CC2D2A: variants seen among roughly 807,000 people sequenced by gnomAD.
The protein encoded by CC2D2A is coiled-coil and C2 domain-containing protein 2A.
In CC2D2A, 155 loss-of-function variants were observed where a neutral mutation model predicts 212.9. That is an observed-to-expected ratio of 0.73 (90% CI 0.64 to 0.83). The LOEUF is 0.83. Ranked by LOEUF, CC2D2A falls within the 40% of genes least tolerant of loss-of-function variation. The pLI is 0.00. For missense variants in CC2D2A, 1,856 were observed against 1,956.2 expected (o/e 0.95, Z 0.97); for synonymous variants, 667 against 686.5 (o/e 0.97, Z 0.44).
intron 18 of CC2D2A, among the ~76,000 whole-genome samples, chr4:15,552,856 T>C (rs1185895947): frequency 6.6e-6 from 1 of 152,238 alleles, no homozygotes; most frequent in East Asian, 1.9e-4. Flanking sequence ...CCCTGATTTA[T>C]ACATTAAAAA....
intron 26 of CC2D2A, among the ~76,000 whole-genome samples, chr4:15,568,079 C>T (rs771075214): frequency 9.9e-5 from 15 of 152,226 alleles, no homozygotes; most frequent in Non-Finnish European, 1.9e-4. Context: ...CCCTTGACCC[C>T]AATGACCTAC....
intron 4 of CC2D2A, among the ~76,000 whole-genome samples, chr4:15,487,597 C>T (rs1261216562): frequency 6.6e-6 from 1 of 151,786 alleles, no homozygotes; most frequent in Non-Finnish European, 1.5e-5. Flanking sequence ...TCTTTTTCAT[C>T]CGTTCAGCCA....
At chr4:15,595,233 T>C (rs1009933980) in intron 33 of CC2D2A, among the ~76,000 whole-genome samples, 1 of 152,186 alleles carries the variant, frequency 6.6e-6, no homozygotes, top group Non-Finnish European at 1.5e-5. Context: ...TGATTAAATA[T>C]ACTGAATGGA....
At chr4:15,591,256 G>A (rs751150509) in intron 33 of CC2D2A, among the ~76,000 whole-genome samples, 3 of 105,738 alleles carry the variant, frequency 2.8e-5, no homozygotes, top group Non-Finnish European at 5.5e-5. Context: ...TTTCACTCTT[G>A]TTGCCCAGGC....
intron 33 of CC2D2A, among the ~76,000 whole-genome samples, chr4:15,590,814 G>A (rs1436673044): frequency 6.6e-6 from 1 of 152,128 alleles, no homozygotes; most frequent in Non-Finnish European, 1.5e-5. Flanking sequence ...TCAGCTCACT[G>A]CAATCTCCAC....
intron 3 of CC2D2A, 120 bp from the exon 4 acceptor site, chr4:15,480,584 G>C: frequency 9.0e-7 from 1 of 1,111,826 alleles, no homozygotes. Context: ...AGAGACTGTG[G>C]TTATCCAGAT....
chr4:15,538,118 C>G lies in CC2D2A; in HGVS notation c.1984C>G (p.Pro662Ala). ...GCTAAGCCTGGCAGGAAGCGTAACA[C>G]CCAATGACCAGTGCCCCAGGTGAGT... Reference protein sequence around the residue: ...PELSLAGSVTPNDQCPRAEVS... With the variant: ...PELSLAGSVTANDQCPRAEVS... The change falls in exon 16 of 37, where the codon CCC becomes GCC. Residue 662 changes from proline (P) to alanine (A), a missense_variant. This residue lies in a region of CC2D2A where 1,512 missense variants were observed against 1,579.3 expected (regional missense o/e 0.96). Coordinates refer to ENST00000424120, the MANE Select transcript of CC2D2A (RefSeq NM_001378615.1). 6.3e-7 allele frequency: 1 copy of G among 1,588,202 alleles called. No homozygotes were observed. The highest frequency in any genetic ancestry group is 1.1e-5 in the South Asian group (1 of 87,382).
At position 15,478,711 on chromosome 4, in the gene CC2D2A, AT is replaced by A; in HGVS notation, c.40-8del. On this transcript the variant is annotated splice_polypyrimidine_tract_variant and intron_variant, in intron 2 of 36. Transcript: ENST00000424120. Reference sequence around the variant, plus strand: ...TGTCTTAAGATTCTCTCCCTTTTGCATTTTCACAAAGGAGTTCATTGAAAAT... The same window carrying A: ...TGTCTTAAGATTCTCTCCCTTTTGCATTTCACAAAGGAGTTCATTGAAAAT... 1 of 1,548,012 alleles carries A rather than the reference AT, an allele frequency of 6.5e-7. No individual in the cohort carries two copies. Among genetic ancestry groups the A allele is most frequent in the Non-Finnish European group, 8.7e-7 (1 of 1,144,494 alleles).
Position 15,569,341 on chromosome 4 carries a change from T to G in CC2D2A, c.3447T>G (p.Asp1149Glu). ...YSTASLQSVK[D>E]VVFINIFDEV... is the part of the protein sequence containing the mutation. ...CAGCCAGTCTGCAGTCAGTGAAAGATGTTGTGTTCATTAACATTTTTGATG... is the reference window on the plus strand; with the variant it reads ...CAGCCAGTCTGCAGTCAGTGAAAGAGGTTGTGTTCATTAACATTTTTGATG... Residue 1149 changes from aspartate to glutamate, a missense_variant, in exon 27 of 37, where the codon GAT (aspartate) becomes GAG (glutamate). Transcript: ENST00000424120. 1 of 1,583,628 alleles carries G rather than the reference T, an allele frequency of 6.3e-7. No individual in the cohort carries two copies. Among genetic ancestry groups the G allele is most frequent in the Non-Finnish European group, 8.6e-7 (1 of 1,163,228 alleles).
At chr4:15,487,429 A>T (rs1299399715) in intron 4 of CC2D2A, among the ~76,000 whole-genome samples, 23 of 151,990 alleles carry the variant, frequency 1.5e-4, no homozygotes, top group Non-Finnish European at 3.4e-4. Context: ...TTTTGTCTTG[A>T]AATCTATTTT....
Position 15,570,389 on chromosome 4 carries a change from T to G in CC2D2A, c.3496-9T>G. ...CTTAAGCAATTATTACTTCCCACCC[T>G]TCCTTTAGGATGACCGTGAAAGAGG... is the stretch of plus-strand genomic sequence containing the variant. On this transcript the variant is annotated splice_polypyrimidine_tract_variant and intron_variant, in intron 27 of 36. Coordinates refer to ENST00000424120, the MANE Select transcript of CC2D2A (RefSeq NM_001378615.1). The G allele has an allele frequency of 6.4e-7, 1 of 1,557,534 alleles. No individual in the cohort carries two copies. The highest frequency in any genetic ancestry group is 8.8e-7 in the Non-Finnish European group (1 of 1,137,216).
At chr4:15,470,446 A>T (rs1291653426) in intron 1 of CC2D2A, among the ~76,000 whole-genome samples, 1 of 152,106 alleles carries the variant, frequency 6.6e-6, no homozygotes, top group Non-Finnish European at 1.5e-5. Flanking sequence ...GAGACAGAGA[A>T]AGGGCTACTA....
At position 15,513,602 on chromosome 4, in the gene CC2D2A, G is replaced by A. The variant is rs62289346; in HGVS notation, c.718-1105G>A. On this transcript the variant is annotated intron_variant, in intron 8 of 36. Coordinates refer to ENST00000424120, the MANE Select transcript of CC2D2A (RefSeq NM_001378615.1). ...GCCCAGACACTTTTAAAGTATTTTC[G>A]TCTTCAAGGTTCATTTAGCCTTTTT... Among the ~76,000 whole-genome samples, 1,048 of 152,220 alleles carry A rather than the reference G, an allele frequency of 6.9e-3. 3 individuals are homozygous for A. The highest frequency in any genetic ancestry group is 0.012 in the Non-Finnish European group (786 of 68,024).
rs940142432 is a variant in CC2D2A at position 15,560,518 on chromosome 4, T to C, written c.2923-13T>C. The C allele has an allele frequency of 1.9e-5, 26 of 1,354,522 alleles. No individual in the cohort carries two copies. The highest frequency in any genetic ancestry group is 2.5e-5 in the Non-Finnish European group (24 of 961,754). 83.9% of individuals were successfully genotyped at this position (1,354,522 alleles called of 1,614,324 possible). On this transcript the variant is annotated splice_polypyrimidine_tract_variant and intron_variant, in intron 22 of 36. Transcript: ENST00000424120. Reference sequence around the variant, plus strand: ...AATAATAACATTTTAAATAAGCTGATTTCTTTCCCCAGGTTAGAGAATCAG... The same window carrying C: ...AATAATAACATTTTAAATAAGCTGACTTCTTTCCCCAGGTTAGAGAATCAG...
At chr4:15,471,940 T>C (rs959801883) in intron 1 of CC2D2A, among the ~76,000 whole-genome samples, 2 of 152,240 alleles carry the variant, frequency 1.3e-5, no homozygotes. Flanking sequence ...TGAAAAAATA[T>C]ATCTGGTTTT....
intron 34 of CC2D2A, among the ~76,000 whole-genome samples, chr4:15,597,003 T>C (rs896550495): frequency 6.8e-5 from 10 of 146,792 alleles, no homozygotes; most frequent in Admixed American, 6.1e-4. Flanking sequence ...TTAGAAAACA[T>C]GTGAAACAAT....
chr4:15,560,507 A>G (rs1304098749), intron 22 of CC2D2A, 24 bp from the exon 23 acceptor site: 3 of 1,219,904 alleles, frequency 2.5e-6, no homozygotes, highest in Non-Finnish European at 3.6e-6. Flanking sequence ...ATAACATTTT[A>G]AATAAGCTGA....
chr4:15,586,359 G>T, intron 31 of CC2D2A, 113 bp downstream of exon 31: 1 of 610,920 alleles, frequency 1.6e-6, no homozygotes, highest in South Asian at 4.0e-5. Flanking sequence ...AAATCTAATT[G>T]GCTGTTTAGT....
At chr4:15,591,587 A>G (rs1157410423) in intron 33 of CC2D2A, among the ~76,000 whole-genome samples, 2 of 152,162 alleles carry the variant, frequency 1.3e-5, no homozygotes, top group African/African-American at 2.4e-5. Context: ...ACGCAGCAAA[A>G]TATCTGTCCT....
Sources: allele counts gnomAD v4.1 joint callset (sites outside exome capture counted in the v4.1 genomes callset), GRCh38; gene constraint gnomAD v4.1.1; regional missense constraint gnomAD v4.1.1; transcripts MANE v1.5; gene names NCBI Gene and HGNC (gene_info 2026-07-23, HGNC 2026-07-21).